The following HIBADH variants were observed in gnomAD, a reference collection of about 807,000 sequenced individuals.
HIBADH encodes the protein 3-hydroxyisobutyrate dehydrogenase, mitochondrial.
HIBADH carries 25 observed loss-of-function variants against 36.1 expected under a neutral mutation model. The observed-to-expected ratio is 0.69, with a 90% CI of 0.50 to 0.97. HIBADH has a LOEUF of 0.97. HIBADH is among the 50% of genes least tolerant of loss of function. HIBADH has a pLI of 0.00. For synonymous variants in HIBADH, 160 were observed against 149.5 expected, an observed-to-expected ratio of 1.07 and a Z score of -0.51; for missense variants, 421 against 418.0, an observed-to-expected ratio of 1.01 and a Z score of -0.06.
intron 1 of HIBADH, among the ~76,000 whole-genome samples, chr7:27,653,073 G>C (rs1052313098): frequency 6.6e-6 from 1 of 152,028 alleles, no homozygotes; most frequent in Non-Finnish European, 1.5e-5. Context: ...AGGATGCAGC[G>C]AGCCAAGATC....
intron 4 of HIBADH, among the ~76,000 whole-genome samples, chr7:27,603,271 C>T (rs1330516003): frequency 6.6e-6 from 1 of 152,100 alleles, no homozygotes; most frequent in Non-Finnish European, 1.5e-5. Flanking sequence ...GATGATGCTG[C>T]TGCATTTTAC....
At chr7:27,647,952 C>T (rs1468599799) in intron 2 of HIBADH, among the ~76,000 whole-genome samples, 1 of 152,192 alleles carries the variant, frequency 6.6e-6, no homozygotes, top group East Asian at 1.9e-4. Context: ...CATTCAATTC[C>T]TACCCCACTC....
intron 4 of HIBADH, among the ~76,000 whole-genome samples, chr7:27,599,823 G>C (rs1286417337): frequency 1.3e-5 from 2 of 151,226 alleles, no homozygotes; most frequent in African/African-American, 4.9e-5. Flanking sequence ...GGTTTGCATG[G>C]AAAATTGTAA....
intron 4 of HIBADH, among the ~76,000 whole-genome samples, chr7:27,562,518 A>C (rs1377196953): frequency 2.6e-5 from 4 of 152,174 alleles, no homozygotes; most frequent in Non-Finnish European, 5.9e-5. Flanking sequence ...TTGAGACAGG[A>C]TCTTGCTCTG....
At chr7:27,638,193 C>G (rs1785881069) in intron 2 of HIBADH, among the ~76,000 whole-genome samples, 1 of 150,126 alleles carries the variant, frequency 6.7e-6, no homozygotes, top group African/African-American at 2.5e-5. Context: ...TTCTATAGGG[C>G]TACAGTAACC....
chr7:27,565,801 C>A (rs117905260), intron 4 of HIBADH, among the ~76,000 whole-genome samples: 3,256 of 152,108 alleles, frequency 0.021, 59 homozygotes, highest in Non-Finnish European at 0.035. Context: ...ATGCCTTTAT[C>A]AGTTTTAGGA....
chr7:27,632,233 T>C (rs1279975979), intron 3 of HIBADH, 103 bp downstream of exon 3: 15 of 774,980 alleles, frequency 1.9e-5, no homozygotes, highest in South Asian at 3.3e-5. Context: ...AAAAACAGTA[T>C]AGAAAGGTTT....
intron 1 of HIBADH, among the ~76,000 whole-genome samples, chr7:27,656,427 AT>A (rs541163845): frequency 2.1e-3 from 325 of 152,306 alleles, no homozygotes; most frequent in African/African-American, 7.6e-3. Flanking sequence ...ACACTTGATA[AT>A]TCACAGTAAA....
At chr7:27,658,199 T>C (rs1786342665) in intron 1 of HIBADH, among the ~76,000 whole-genome samples, 1 of 152,220 alleles carries the variant, frequency 6.6e-6, no homozygotes, top group African/African-American at 2.4e-5. Context: ...GGAATGATTA[T>C]TGCCCTAAAA....
chr7:27,534,485 TGA>T (rs539067545), intron 6 of HIBADH, among the ~76,000 whole-genome samples: 10 of 152,220 alleles, frequency 6.6e-5, no homozygotes, highest in Non-Finnish European at 1.0e-4. Flanking sequence ...CCAGGAGGGC[TGA>T]GTTAAGACCC....
At chr7:27,564,728 T>A (rs1249308791) in intron 4 of HIBADH, among the ~76,000 whole-genome samples, 1 of 152,230 alleles carries the variant, frequency 6.6e-6, no homozygotes, top group African/African-American at 2.4e-5. Flanking sequence ...AATTGACATC[T>A]TTACTACACA....
In HIBADH at chr7:27,534,123, T is replaced by C. The variant is rs184937112; in HGVS notation, c.696-2775A>G. Among the ~76,000 whole-genome samples the C allele has an allele frequency of 5.9e-5, 9 of 152,306 alleles. No individual in the cohort carries two copies. In the East Asian group the frequency reaches 1.7e-3, roughly 29 times the overall value. On this transcript the variant is annotated intron_variant, in intron 6 of 7. Transcript: ENST00000265395. ...CTACTCACCTCTAAAACAAGAATTT[T>C]AAATGAGGTTTGGAAGAAGTAAAAA...
chr7:27,638,154 T>C (rs1176166195), intron 2 of HIBADH, among the ~76,000 whole-genome samples: 11 of 151,894 alleles, frequency 7.2e-5, no homozygotes, highest in Non-Finnish European at 1.6e-4. Flanking sequence ...GCTGGAGGCA[T>C]CATGTTACCC....
At chr7:27,549,119 T>C (rs1784278506) in intron 4 of HIBADH, among the ~76,000 whole-genome samples, 1 of 152,044 alleles carries the variant, frequency 6.6e-6, no homozygotes, top group African/African-American at 2.4e-5. Flanking sequence ...TCACAATCAA[T>C]GTGGGTTTGC....
chr7:27,619,706 C>A (rs983527694), intron 4 of HIBADH, among the ~76,000 whole-genome samples: 1 of 151,924 alleles, frequency 6.6e-6, no homozygotes, highest in Non-Finnish European at 1.5e-5. Context: ...ATAAACTACA[C>A]AAGGAGAAGA....
At chr7:27,645,380 T>TTGTTTGTTTGTTTTGTTTTTG (rs1786047691) in intron 2 of HIBADH, among the ~76,000 whole-genome samples, 1 of 128,758 alleles carries the variant, frequency 7.8e-6, no homozygotes, top group African/African-American at 3.1e-5. Flanking sequence ...TTTTTTTTTT[T>TTGTTTGTTTGTTTTGTTTTTG]TTTTTTTTTT....
At chr7:27,588,158 G>A (rs1056059089) in intron 4 of HIBADH, among the ~76,000 whole-genome samples, 1 of 152,166 alleles carries the variant, frequency 6.6e-6, no homozygotes, top group Admixed American at 6.5e-5. Flanking sequence ...AAGGCTGCTG[G>A]CCAGGCACAA....
At position 27,662,830 on chromosome 7, in the gene HIBADH, C is replaced by T; in HGVS notation, c.-42G>A. On this transcript the variant is annotated 5_prime_UTR_variant, in exon 1 of 8. Transcript: ENST00000265395. The stretch of plus-strand genomic sequence containing the variant: ...TCCCCGCGGTGACCTCCGCCGCCTC[C>T]CGGAGGGCCCACAGACTGCGAGCGT... 1.4e-6 allele frequency: 2 copies of T among 1,403,902 alleles called. No individual in the cohort carries two copies. The highest frequency in any genetic ancestry group is 1.9e-6 in the Non-Finnish European group (2 of 1,056,028). The allele number at this position is 1,403,902 out of a possible 1,614,324, so 87.0% of individuals were successfully genotyped here. A position where few individuals can be genotyped will look rare whatever the true frequency, so the allele number is the denominator to read the frequency against.
chr7:27,652,149 T>C (rs1165923855), intron 1 of HIBADH, among the ~76,000 whole-genome samples: 2 of 152,222 alleles, frequency 1.3e-5, no homozygotes, highest in Admixed American at 1.3e-4. Flanking sequence ...AGAACCCTGA[T>C]GCTGAGTTGA....
Sources: allele counts gnomAD v4.1 joint callset (sites outside exome capture counted in the v4.1 genomes callset), GRCh38; gene constraint gnomAD v4.1.1; transcripts MANE v1.5; gene names NCBI Gene and HGNC (gene_info 2026-07-23, HGNC 2026-07-21).